The following ACBD5 variants were observed in gnomAD, a reference collection of about 807,000 sequenced individuals.
ACBD5 encodes acyl-CoA-binding domain-containing protein 5.
Under a neutral mutation model 71.8 loss-of-function variants are expected in ACBD5, and 40 were observed. The observed-to-expected ratio is 0.56, with a 90% CI of 0.43 to 0.72. ACBD5 has a LOEUF of 0.72. Among genes scored for constraint, ACBD5 ranks in the 30% least tolerant of loss-of-function variants. ACBD5 has a pLI of 0.00. For synonymous variants in ACBD5, 229 were observed against 218.6 expected (o/e 1.05, Z -0.42); for missense variants, 559 against 644.5 (o/e 0.87, Z 1.44).
At chr10:27,220,379 AAAT>A (rs2062182106) in intron 5 of ACBD5, 1 of 152,780 alleles carries the variant, frequency 6.5e-6, no homozygotes, top group Non-Finnish European at 1.5e-5. Context: ...TTACAAAAGC[AAAT>A]TGTCCAAGTG....
chr10:27,200,919 T>C (rs750127186), intron 12 of ACBD5, among the ~76,000 whole-genome samples: 2 of 152,088 alleles, frequency 1.3e-5, no homozygotes, highest in Non-Finnish European at 2.9e-5. Flanking sequence ...AGTCCTGTAA[T>C]CCCAGTACAA....
chr10:27,234,706 C>T (rs373556158), intron 3 of ACBD5, among the ~76,000 whole-genome samples: 1 of 152,148 alleles, frequency 6.6e-6, no homozygotes, highest in Non-Finnish European at 1.5e-5. Flanking sequence ...CCGAGGTGGG[C>T]GGACCACCTG....
intron 12 of ACBD5, among the ~76,000 whole-genome samples, chr10:27,202,579 G>T (rs2136692794): frequency 6.6e-6 from 1 of 151,738 alleles, no homozygotes; most frequent in East Asian, 1.9e-4. Flanking sequence ...TTGATGTAGA[G>T]TGTAGTTTGT....
At chr10:27,215,502 G>C (rs1210669651) in intron 8 of ACBD5, 33 bp downstream of exon 8, 1 of 1,478,490 alleles carries the variant, frequency 6.8e-7, no homozygotes, top group Non-Finnish European at 9.4e-7. Flanking sequence ...ACACCACTTT[G>C]AAAATACACC....
chr10:27,228,429 T>C (rs892290002), intron 4 of ACBD5, among the ~76,000 whole-genome samples: 7 of 151,598 alleles, frequency 4.6e-5, no homozygotes, highest in Non-Finnish European at 1.0e-4. Context: ...TACAAAAAAT[T>C]AGCCAGATGT....
At chr10:27,240,992 G>A, upstream of ACBD5, 2 of 558,894 alleles carry the variant, frequency 3.6e-6, no homozygotes, top group Non-Finnish European at 6.4e-6. This position sits in a 1 kb window ranked among gnomAD's most constrained non-coding sequence, Gnocchi z 4.1. Flanking sequence ...GCTTGGTGCG[G>A]GGAGCACACT....
chr10:27,208,137 A>T (rs1336557040), intron 10 of ACBD5, 109 bp downstream of exon 10: 3 of 1,200,312 alleles, frequency 2.5e-6, no homozygotes, highest in Non-Finnish European at 3.6e-6. Context: ...TCTATTTTCT[A>T]AAAAAATCAG....
In ACBD5 at chr10:27,195,718, G is replaced by T. The variant is rs1348039481; in HGVS notation, c.*1712C>A. The T allele has an allele frequency of 9.5e-6, 4 of 419,812 alleles. No homozygotes were observed. The highest frequency in any genetic ancestry group is 1.8e-5 in the Non-Finnish European group (4 of 217,636). The allele number at this position is 419,812 out of a possible 1,614,324, so 26.0% of individuals were successfully genotyped here. On this transcript the variant is annotated 3_prime_UTR_variant, in exon 13 of 13. Transcript: ENST00000396271. Reference sequence around the variant, plus strand: ...GACAGACATATTTTAATCAGTATGGGATTAAATAATTAAAGTTATTTGAAA... The same window carrying T: ...GACAGACATATTTTAATCAGTATGGTATTAAATAATTAAAGTTATTTGAAA...
intron 6 of ACBD5, 136 bp downstream of exon 6, chr10:27,219,587 C>G (rs925443223): frequency 8.3e-6 from 10 of 1,207,282 alleles, no homozygotes; most frequent in African/African-American, 1.5e-5. Flanking sequence ...TGGTCCACAG[C>G]AAACTTGTTT....
intron 13 of ACBD5, among the ~76,000 whole-genome samples, chr10:27,189,867 T>C (rs1211147815): frequency 6.6e-6 from 1 of 151,924 alleles, no homozygotes; most frequent in African/African-American, 2.4e-5. Flanking sequence ...AATAAGTTGG[T>C]ATCTGTTAAA....
At position 27,223,261 on chromosome 10, in the gene ACBD5, A is replaced by G. The variant is rs962247545; in HGVS notation, c.490+77T>C. 6 of 1,141,834 alleles carry G rather than the reference A, an allele frequency of 5.3e-6. No homozygotes were observed. In the African/African-American group the frequency reaches 9.2e-5, roughly 18 times the overall value. The allele number at this position is 1,141,834 out of a possible 1,614,324, so 70.7% of individuals were successfully genotyped here. ...CGGACTGGCGCGTGAAAGTAAGAAA[A>G]AAAATCAGAGATACAAATATTAATA... On this transcript the variant is annotated intron_variant, in intron 5 of 12. Transcript: ENST00000396271.
chr10:27,206,353 C>G (rs924247732), intron 10 of ACBD5, among the ~76,000 whole-genome samples: 2 of 151,164 alleles, frequency 1.3e-5, no homozygotes. Context: ...CAGTGGCTCA[C>G]GCCTATAATC....
At chr10:27,234,776 A>G (rs1419390247) in intron 3 of ACBD5, among the ~76,000 whole-genome samples, 7 of 152,172 alleles carry the variant, frequency 4.6e-5, no homozygotes. Context: ...TACTAAAAAT[A>G]CAAAAATTAG....
intron 8 of ACBD5, among the ~76,000 whole-genome samples, chr10:27,211,968 G>T (rs2061128960): frequency 6.6e-6 from 1 of 151,978 alleles, no homozygotes; most frequent in African/African-American, 2.4e-5. Context: ...GGGGGTGGGG[G>T]TAGGAAGGGA....
At chr10:27,201,024 T>C (rs1308115373) in intron 12 of ACBD5, among the ~76,000 whole-genome samples, 1 of 151,956 alleles carries the variant, frequency 6.6e-6, no homozygotes, top group Non-Finnish European at 1.5e-5. Context: ...ATAAGACAGT[T>C]AGTTGACACC....
chr10:27,235,015 A>G (rs1274324146), intron 3 of ACBD5, 77 bp downstream of exon 3: 1 of 1,414,318 alleles, frequency 7.1e-7, no homozygotes, highest in Non-Finnish European at 9.9e-7. Context: ...AATAATATAT[A>G]ACCACTTAAG....
chr10:27,205,637 T>G (rs1348043040), intron 10 of ACBD5, among the ~76,000 whole-genome samples: 1 of 151,990 alleles, frequency 6.6e-6, no homozygotes, highest in Non-Finnish European at 1.5e-5. Context: ...CTTGGCTCAC[T>G]GCAACCGCTG....
At chr10:27,198,914 T>C (rs2059627756) in intron 12 of ACBD5, among the ~76,000 whole-genome samples, 1 of 151,904 alleles carries the variant, frequency 6.6e-6, no homozygotes, top group Non-Finnish European at 1.5e-5. Flanking sequence ...ATCAAGACCA[T>C]CCTGCTAACA....
rs2061859128 is a variant in ACBD5 at position 27,217,981 on chromosome 10, T to A, written c.828A>T (p.Gln276His). Reference protein sequence around the residue: ...QTGKSAVCIHQDINDDHVEDV... With the variant: ...QTGKSAVCIHHDINDDHVEDV... ...CACAGAATTATTTGGGGACAATACCTTGGTGAATGCAAACAGCAGATTTTC... is the reference window on the plus strand; with the variant it reads ...CACAGAATTATTTGGGGACAATACCATGGTGAATGCAAACAGCAGATTTTC... The change falls in exon 7 of 13, where the codon CAA becomes CAT. Residue 276 changes from glutamine to histidine, a missense_variant and splice_region_variant. By Grantham distance (24) the Gln-to-His change is conservative. Coordinates refer to ENST00000396271, the MANE Select transcript of ACBD5 (RefSeq NM_145698.5). The A allele has an allele frequency of 6.2e-7, 1 of 1,614,024 alleles. No homozygotes were observed. The highest frequency in any genetic ancestry group is 1.1e-5 in the South Asian group (1 of 91,080).
Sources: gnomAD v4.1 joint callset for allele counts (sites outside exome capture counted in the v4.1 genomes callset) on GRCh38, gnomAD v4.1.1 for gene constraint, Gnocchi (gnomAD v3.1) non-coding constraint, MANE v1.5 for transcripts, NCBI Gene and HGNC (gene_info 2026-07-23, HGNC 2026-07-21) for gene names.